PCDH19: variants seen among roughly 807,000 people sequenced by gnomAD.
PCDH19 encodes the protein protocadherin 19.
In PCDH19, 6 loss-of-function variants were observed where a neutral mutation model predicts 46.2. The ratio of observed to expected loss-of-function variants is 0.13; its 90% confidence interval spans 0.07 to 0.26. The LOEUF (loss-of-function observed/expected upper bound fraction) is 0.26. PCDH19 is among the 10% of genes least tolerant of loss of function. PCDH19 has a pLI of 1.00. For missense variants in PCDH19, 740 were observed against 972.3 expected (o/e 0.76, Z 3.18); for synonymous variants, 481 against 415.7 (o/e 1.16, Z -1.91).
intron 5 of PCDH19, among the ~76,000 whole-genome samples, chrX:100,302,320 A>G (rs1159360458): frequency 8.9e-6 from 1 of 111,902 alleles, no homozygotes; most frequent in African/African-American, 3.2e-5. Context: ...ACAATTCATG[A>G]TTAATACATT....
At chrX:100,352,439 A>G (rs1926598563) in intron 3 of PCDH19, among the ~76,000 whole-genome samples, 1 of 112,680 alleles carries the variant, frequency 8.9e-6, no homozygotes, top group South Asian at 3.7e-4. Flanking sequence ...TAATTTAACA[A>G]GTGGGAAGTT....
intron 5 of PCDH19, among the ~76,000 whole-genome samples, chrX:100,322,863 A>ATTTTTTTTTT (rs1358059816): frequency 2.5e-5 from 1 of 40,112 alleles, no homozygotes; most frequent in Non-Finnish European, 5.5e-5. Flanking sequence ...ATATATATAT[A>ATTTTTTTTTT]TATTTTTGCA....
At chrX:100,400,644 C>CA (rs750423901) in intron 3 of PCDH19, among the ~76,000 whole-genome samples, 11 of 112,218 alleles carry the variant, frequency 9.8e-5, no homozygotes, top group African/African-American at 3.6e-4. Flanking sequence ...ACTGGACTTT[C>CA]AAAAAATCCT....
intron 3 of PCDH19, among the ~76,000 whole-genome samples, chrX:100,378,001 G>A (rs1042008405): frequency 8.9e-6 from 1 of 112,505 alleles, no homozygotes; most frequent in African/African-American, 3.2e-5. Flanking sequence ...ACAAAACCAA[G>A]CTGGATAAAT....
chrX:100,355,790 G>A lies in PCDH19; in HGVS notation c.2617-5086C>T, dbSNP rs191938121. Among the ~76,000 whole-genome samples the A allele has an allele frequency of 3.6e-5, 4 of 111,431 alleles. No homozygotes were observed. The East Asian group carries it at 1.1e-3, about 31-fold the overall frequency. The stretch of plus-strand genomic sequence containing the variant: ...AGTAAGACGTTTGGGTGGGGGATAT[G>A]TTATTACATTTCTACGTTAGTAAGT... On this transcript the variant is annotated intron_variant, in intron 3 of 5. Transcript: ENST00000373034.
chrX:100,390,649 C>A (rs1200048984), intron 3 of PCDH19, among the ~76,000 whole-genome samples: 3 of 111,456 alleles, frequency 2.7e-5, no homozygotes, highest in Non-Finnish European at 5.7e-5. Context: ...CTCCAACATG[C>A]ATTGGGTTTA....
At chrX:100,402,279 C>T (rs1363397443) in intron 3 of PCDH19, among the ~76,000 whole-genome samples, 1 of 112,384 alleles carries the variant, frequency 8.9e-6, no homozygotes, top group Non-Finnish European at 1.9e-5. Context: ...ATAATGATTT[C>T]AAGGGCTCAG....
intron 3 of PCDH19, among the ~76,000 whole-genome samples, chrX:100,399,639 G>C (rs1471237163): frequency 1.8e-5 from 2 of 111,433 alleles, no homozygotes; most frequent in Middle Eastern, 4.6e-3. Flanking sequence ...CATTGTGACT[G>C]ATTCAGGTTA....
intron 5 of PCDH19, among the ~76,000 whole-genome samples, chrX:100,318,909 C>A (rs1925392516): frequency 9.0e-6 from 1 of 110,922 alleles, no homozygotes; most frequent in African/African-American, 3.3e-5. Flanking sequence ...GAGAAATATT[C>A]TTTCCCTCTG....
Position 100,376,184 on chromosome X carries a change from G to A in PCDH19, c.2617-25480C>T, listed in dbSNP as rs773903713. On this transcript the variant is annotated intron_variant, in intron 3 of 5. Coordinates refer to ENST00000373034, the MANE Select transcript of PCDH19 (RefSeq NM_001184880.2). ...CAGGAGGTGGAGGTTGCAGTGAGCC[G>A]AGATCACGCCATTGCACTCCAGCCT... Among the ~76,000 whole-genome samples, 24 of 100,195 alleles carry A rather than the reference G, an allele frequency of 2.4e-4. No homozygotes were observed. The South Asian group carries it at 2.5e-3, about 11-fold the overall frequency. The allele number at this position is 100,195 out of a possible 115,157, so 87.0% of individuals were successfully genotyped here.
intron 5 of PCDH19, among the ~76,000 whole-genome samples, chrX:100,318,668 T>C (rs1195036088): frequency 8.9e-6 from 1 of 111,747 alleles, no homozygotes; most frequent in African/African-American, 3.3e-5. Context: ...TTTGGGGAAA[T>C]GGAACATGGA....
Position 100,410,011 on chromosome X carries a change from T to C in PCDH19, c.-1414A>G, listed in dbSNP as rs1928551543. 1 of 293,465 alleles carries C rather than the reference T, an allele frequency of 3.4e-6. No homozygotes were observed. The highest frequency in any genetic ancestry group is 5.9e-6 in the Non-Finnish European group (1 of 169,297). The allele number at this position is 293,465 out of a possible 1,213,427, so 24.2% of individuals were successfully genotyped here. A position where few individuals can be genotyped will look rare whatever the true frequency, so the allele number is the denominator to read the frequency against. On this transcript the variant is annotated 5_prime_UTR_variant, in exon 1 of 6. Transcript: ENST00000373034. ...GAGTGTGTGGTGTGGGGAGTGTGAG[T>C]GTGGAGTATGAGCAAGCAGGAGGCA... is the stretch of plus-strand genomic sequence containing the variant.
intron 3 of PCDH19, among the ~76,000 whole-genome samples, chrX:100,367,544 G>A (rs1010894510): frequency 2.7e-5 from 3 of 111,883 alleles, no homozygotes; most frequent in Admixed American, 9.5e-5. Flanking sequence ...CCTTGTTGCT[G>A]TATCTTTCTC....
rs1412818899 is a variant in PCDH19 at position 100,296,059 on chromosome X, C to A, written c.*218G>T. On this transcript the variant is annotated 3_prime_UTR_variant, in exon 6 of 6. Coordinates refer to ENST00000373034, the MANE Select transcript of PCDH19 (RefSeq NM_001184880.2). ...TTCCCCAACATCAAGGCCCCATGAA[C>A]AACTCAAGCCAAAGCTAATTTGCTC... 2.3e-5 allele frequency: 10 copies of A among 435,960 alleles called. No individual in the cohort carries two copies. The highest frequency in any genetic ancestry group is 4.0e-5 in the Non-Finnish European group (10 of 251,780). The allele number at this position is 435,960 out of a possible 1,213,427, so 35.9% of individuals were successfully genotyped here. A position where few individuals can be genotyped will look rare whatever the true frequency, so the allele number is the denominator to read the frequency against.
chrX:100,366,724 G>C (rs1927080041), intron 3 of PCDH19, among the ~76,000 whole-genome samples: 1 of 112,539 alleles, frequency 8.9e-6, no homozygotes, highest in Non-Finnish European at 1.9e-5. Flanking sequence ...TATGTTAATT[G>C]CACATCATTC....
At chrX:100,332,910 G>C (rs1021727702) in intron 5 of PCDH19, among the ~76,000 whole-genome samples, 1 of 108,360 alleles carries the variant, frequency 9.2e-6, no homozygotes, top group Non-Finnish European at 1.9e-5. Context: ...GTTAAGGTGG[G>C]AGGGTCGCCT....
In PCDH19 at chrX:100,407,020, G is replaced by C. The variant is rs1052780218; in HGVS notation, c.1578C>G (p.Thr526=). 4.1e-6 allele frequency: 5 copies of C among 1,211,737 alleles called. No individual in the cohort carries two copies. The highest frequency in any genetic ancestry group is 5.6e-6 in the Non-Finnish European group (5 of 895,488). ...CCAGCACCTTGAATTCGAACGCCTT[G>C]GTCTGCTCGTGGTTAAAGGATCGCA... ...YALRSFNHEQ[T]KAFEFKVLAK... Residue 526 remains threonine, a synonymous_variant, in exon 1 of 6, where the codon ACC becomes ACG. Transcript: ENST00000373034.
Position 100,402,516 on chromosome X carries a change from G to A in PCDH19, c.2616+8C>T, listed in dbSNP as rs1225365482. ...GAGAACCTCACAGAGCCACTTAGCT[G>A]CACTCACCTCAGGCAGAGGCACACC... On this transcript the variant is annotated splice_region_variant and intron_variant, in intron 3 of 5. Transcript: ENST00000373034. 1.0e-5 allele frequency: 12 copies of A among 1,205,058 alleles called. No individual in the cohort carries two copies. Among genetic ancestry groups the A allele is most frequent in the Admixed American group, 2.2e-5 (1 of 46,087 alleles).
intron 5 of PCDH19, among the ~76,000 whole-genome samples, chrX:100,301,524 T>A (rs1415083835): frequency 1.8e-5 from 2 of 112,284 alleles, no homozygotes; most frequent in Non-Finnish European, 3.8e-5. Flanking sequence ...TACTTCTAAG[T>A]GGCAGCAGTA....
Sources: allele counts gnomAD v4.1 joint callset (sites outside exome capture counted in the v4.1 genomes callset), GRCh38; gene constraint gnomAD v4.1.1; transcripts MANE v1.5; gene names NCBI Gene and HGNC (gene_info 2026-07-23, HGNC 2026-07-21).